The following KCNB2 variants were observed in gnomAD, a reference collection of about 807,000 sequenced individuals.
The protein encoded by KCNB2 is delayed rectifier potassium channel protein.
Under a neutral mutation model 61.5 loss-of-function variants are expected in KCNB2, and 15 were observed. The observed-to-expected ratio is 0.24, with a 90% CI of 0.16 to 0.38. The LOEUF is 0.38. KCNB2 is among the 10% of genes least tolerant of loss of function. The pLI is 1.00. For synonymous variants in KCNB2, 457 were observed against 446.0 expected (o/e 1.02, Z -0.31); for missense variants, 828 against 1,125.2 (o/e 0.74, Z 3.78).
intron 2 of KCNB2, among the ~76,000 whole-genome samples, chr8:72,889,758 A>C (rs1055082870): frequency 5.3e-5 from 8 of 151,926 alleles, no homozygotes; most frequent in Non-Finnish European, 1.0e-4. Context: ...TTGGCACCCA[A>C]ACTCCATTTA....
intron 2 of KCNB2, among the ~76,000 whole-genome samples, chr8:72,717,058 T>A (rs371769070): frequency 6.6e-6 from 1 of 152,034 alleles, no homozygotes; most frequent in Non-Finnish European, 1.5e-5. Flanking sequence ...GAACTCCCAT[T>A]CACAATTGCT....
At chr8:72,682,101 G>T (rs565896647) in intron 2 of KCNB2, among the ~76,000 whole-genome samples, 2 of 152,280 alleles carry the variant, frequency 1.3e-5, no homozygotes, top group African/African-American at 4.8e-5. Context: ...GAGATAGCAT[G>T]TTACTATTAA....
intron 2 of KCNB2, among the ~76,000 whole-genome samples, chr8:72,666,629 G>C (rs532404925): frequency 6.7e-6 from 1 of 149,206 alleles, no homozygotes; most frequent in African/African-American, 2.5e-5. Context: ...TTTCTTCAGT[G>C]ACCTTCAAAT....
chr8:72,814,558 T>C (rs1366410122), intron 2 of KCNB2, among the ~76,000 whole-genome samples: 1 of 152,202 alleles, frequency 6.6e-6, no homozygotes, highest in Non-Finnish European at 1.5e-5. Context: ...AAAGTTAGTT[T>C]AGTGCTTTGT....
intron 2 of KCNB2, among the ~76,000 whole-genome samples, chr8:72,763,325 C>T (rs199634577): frequency 6.7e-6 from 1 of 149,880 alleles, no homozygotes; most frequent in East Asian, 2.0e-4. Flanking sequence ...CCTGAGTCTC[C>T]TTTTTTTTTA....
intron 2 of KCNB2, among the ~76,000 whole-genome samples, chr8:72,720,012 G>T (rs960481493): frequency 6.6e-6 from 1 of 152,160 alleles, no homozygotes; most frequent in African/African-American, 2.4e-5. Flanking sequence ...ATGAAAAATG[G>T]AGCCCAAAGC....
intron 2 of KCNB2, among the ~76,000 whole-genome samples, chr8:72,635,457 A>G (rs1289292136): frequency 6.6e-6 from 1 of 152,154 alleles, no homozygotes; most frequent in Non-Finnish European, 1.5e-5. Flanking sequence ...TGCCTGGTTG[A>G]CAGGAAAGGC....
At chr8:72,603,433 C>T (rs1345226487) in intron 2 of KCNB2, among the ~76,000 whole-genome samples, 1 of 152,152 alleles carries the variant, frequency 6.6e-6, no homozygotes, top group Non-Finnish European at 1.5e-5. Flanking sequence ...CCCTTCTCCC[C>T]ATATCTACCT....
In KCNB2 at chr8:72,567,843, G is replaced by T. The variant is rs1490614003; in HGVS notation, c.109G>T (p.Val37Phe). 2 of 1,613,994 alleles carry T rather than the reference G, an allele frequency of 1.2e-6. No individual in the cohort carries two copies. Among genetic ancestry groups the T allele is most frequent in the Non-Finnish European group, 1.7e-6 (2 of 1,180,020 alleles). Reference sequence around the variant, plus strand: ...CCGGAGCAAAACATGCTCCAGGAGAGTTAAGATCAATGTGGGGGGCCTCAA... The same window carrying T: ...CCGGAGCAAAACATGCTCCAGGAGATTTAAGATCAATGTGGGGGGCCTCAA... ...IIRSKTCSRR[V>F]KINVGGLNHE... The change falls in exon 2 of 3, where the codon GTT (valine) becomes TTT (phenylalanine). Residue 37 changes from valine to phenylalanine, a missense_variant. By Grantham distance (50) the Val-to-Phe change is conservative. This residue lies in a region of KCNB2 where 62 missense variants were observed against 54.8 expected (regional missense o/e 1.13). Transcript: ENST00000523207.
At chr8:72,703,528 A>C (rs1352950162) in intron 2 of KCNB2, among the ~76,000 whole-genome samples, 2 of 152,202 alleles carry the variant, frequency 1.3e-5, no homozygotes, top group Non-Finnish European at 2.9e-5. Flanking sequence ...CCTTGGGTAC[A>C]GTGTGTCCCA....
chr8:72,779,167 A>C (rs563346214), intron 2 of KCNB2, among the ~76,000 whole-genome samples: 1 of 152,308 alleles, frequency 6.6e-6, no homozygotes, highest in Admixed American at 6.5e-5. Context: ...AGGCTTTGGC[A>C]TGAGAGACTC....
intron 2 of KCNB2, among the ~76,000 whole-genome samples, chr8:72,932,876 G>T (rs1011415666): frequency 6.6e-6 from 1 of 152,094 alleles, no homozygotes; most frequent in African/African-American, 2.4e-5. Flanking sequence ...CAATAAACTT[G>T]CATTTGGCTC....
In KCNB2 at chr8:72,567,711, C is replaced by T; in HGVS notation, c.-24C>T. 1 of 1,489,944 alleles carries T rather than the reference C, an allele frequency of 6.7e-7. No homozygotes were observed. The allele number at this position is 1,489,944 out of a possible 1,614,324, so 92.3% of individuals were successfully genotyped here. On this transcript the variant is annotated 5_prime_UTR_variant, in exon 2 of 3. Coordinates refer to ENST00000523207, the MANE Select transcript of KCNB2 (RefSeq NM_004770.3). ...TGACCTCATTTTTTAAGGACCCTGG[C>T]TCTGCGGCTTTGTCCAGTTCAAAAT...
chr8:72,869,774 T>C (rs1805587680), intron 2 of KCNB2, among the ~76,000 whole-genome samples: 1 of 152,098 alleles, frequency 6.6e-6, no homozygotes, highest in African/African-American at 2.4e-5. Context: ...CTATAGAAAA[T>C]AGTGTGGAAG....
intron 2 of KCNB2, among the ~76,000 whole-genome samples, chr8:72,870,056 G>A (rs1051002919): frequency 2.0e-5 from 3 of 152,248 alleles, no homozygotes; most frequent in East Asian, 1.9e-4. Flanking sequence ...GGATGAACCC[G>A]GAGAGCATTA....
At chr8:72,897,217 G>C (rs994314122) in intron 2 of KCNB2, among the ~76,000 whole-genome samples, 1 of 151,686 alleles carries the variant, frequency 6.6e-6, no homozygotes, top group Non-Finnish European at 1.5e-5. Context: ...AATTTTTGTT[G>C]AATTTTACTC....
In KCNB2 at chr8:72,649,156, G is replaced by A. The variant is rs1806176352; in HGVS notation, c.579+80843G>A. On this transcript the variant is annotated intron_variant, in intron 2 of 2. Coordinates refer to ENST00000523207, the MANE Select transcript of KCNB2 (RefSeq NM_004770.3). ...TTATTCCTCTGTATTTTACAGAATG[G>A]AATAAATTGTGCTTTTTTGACATCT... is the stretch of plus-strand genomic sequence containing the variant. 2.6e-5 allele frequency among the ~76,000 whole-genome samples: 4 copies of A among 152,076 alleles called. No homozygotes were observed. In the South Asian group the frequency reaches 8.3e-4, roughly 32 times the overall value.
intron 2 of KCNB2, among the ~76,000 whole-genome samples, chr8:72,621,709 GA>G (rs1385441196): frequency 6.6e-6 from 1 of 152,034 alleles, no homozygotes; most frequent in Admixed American, 6.6e-5. Flanking sequence ...TCTTTTTACA[GA>G]AATAATCTGG....
chr8:72,830,866 A>G (rs1227018647), intron 2 of KCNB2, among the ~76,000 whole-genome samples: 2 of 152,218 alleles, frequency 1.3e-5, no homozygotes, highest in Non-Finnish European at 2.9e-5. Context: ...CTCATGCCTG[A>G]TCATTTAATC....
Sources: gnomAD v4.1 joint callset for allele counts (sites outside exome capture counted in the v4.1 genomes callset) on GRCh38, gnomAD v4.1.1 for gene constraint, gnomAD v4.1.1 regional missense constraint, MANE v1.5 for transcripts, NCBI Gene and HGNC (gene_info 2026-07-23, HGNC 2026-07-21) for gene names.